Variants in ZFP91 observed in about 807,000 individuals in gnomAD.
The protein encoded by ZFP91 is E3 ubiquitin-protein ligase ZFP91.
Under a neutral mutation model 63.5 loss-of-function variants are expected in ZFP91, and 7 were observed. The ratio of observed to expected loss-of-function variants is 0.11; its 90% confidence interval spans 0.06 to 0.21. The LOEUF (loss-of-function observed/expected upper bound fraction) is 0.21. ZFP91 is among the 10% of genes least tolerant of loss of function. The pLI is 1.00. For missense variants in ZFP91, 628 were observed against 736.6 expected, an observed-to-expected ratio of 0.85 and a Z score of 1.71; for synonymous variants, 330 against 272.1, an observed-to-expected ratio of 1.21 and a Z score of -2.10.
chr11:58,585,970 G>A (rs904439356), intron 2 of ZFP91, among the ~76,000 whole-genome samples: 1 of 151,528 alleles, frequency 6.6e-6, no homozygotes, highest in African/African-American at 2.4e-5. Flanking sequence ...TAGTATAGCA[G>A]GCAGAGGTTT....
At chr11:58,585,487 G>T (rs1415218978) in intron 2 of ZFP91, among the ~76,000 whole-genome samples, 1 of 151,892 alleles carries the variant, frequency 6.6e-6, no homozygotes. Context: ...TTTCATTTTT[G>T]TTTTTTTCTA....
intron 1 of ZFP91, among the ~76,000 whole-genome samples, chr11:58,581,653 G>A (rs546926731): frequency 1.3e-4 from 20 of 152,216 alleles, no homozygotes; most frequent in African/African-American, 4.8e-4. Context: ...GAGCCACTGC[G>A]CCCAGCCTGC....
At chr11:58,582,301 A>G (rs1013792402) in intron 1 of ZFP91, among the ~76,000 whole-genome samples, 19 of 152,230 alleles carry the variant, frequency 1.2e-4, no homozygotes, top group African/African-American at 3.9e-4. Context: ...ATCCTTTAAG[A>G]TATTTCAAGA....
At chr11:58,593,048 A>G (rs778120139) in intron 2 of ZFP91, among the ~76,000 whole-genome samples, 1 of 152,234 alleles carries the variant, frequency 6.6e-6, no homozygotes, top group Non-Finnish European at 1.5e-5. Flanking sequence ...GATGGCACCA[A>G]GCCATTCATG....
At chr11:58,612,416 G>GGAAT (rs1163535739) in intron 7 of ZFP91, 88 bp downstream of exon 7, 2 of 1,353,070 alleles carry the variant, frequency 1.5e-6, no homozygotes, top group African/African-American at 2.9e-5. Context: ...TAATCCTGCA[G>GGAAT]GAATGGCTAT....
Position 58,612,123 on chromosome 11 carries a change from C to T in ZFP91, c.858-155C>T, listed in dbSNP as rs567082716. On this transcript the variant is annotated intron_variant, in intron 6 of 10. Transcript: ENST00000316059. ...AATTACTTCAGGGTAAAATTACTTG[C>T]TTGATTTGCCAGATATATCTTTGAC... The T allele has an allele frequency of 2.1e-4, 154 of 730,192 alleles. 1 individual carries two copies. The African/African-American group carries it at 2.6e-3, about 12-fold the overall frequency. The allele number at this position is 730,192 out of a possible 1,614,324, so 45.2% of individuals were successfully genotyped here.
At chr11:58,581,521 C>T (rs548711257) in intron 1 of ZFP91, among the ~76,000 whole-genome samples, 16 of 152,300 alleles carry the variant, frequency 1.1e-4, no homozygotes, top group African/African-American at 3.1e-4. Context: ...CCACCAATCC[C>T]AGCTAATTTT....
At position 58,579,570 on chromosome 11, in the gene ZFP91, C is replaced by T; in HGVS notation, c.289C>T (p.Gln97Ter). The part of the protein sequence containing the change: ...RPPDVPGQQP[Q>*]AAKSPSPVQG... ...TCCCGACGTCCCCGGGCAGCAGCCC[C>T]AGGCCGCGAAGTCCCCGTCTCCAGT... The change falls in exon 1 of 11, where the codon CAG becomes TAG. Residue 97 changes from glutamine to a stop codon, truncating the protein, a stop_gained. Transcript: ENST00000316059. LOFTEE classifies it high-confidence loss of function. 6.3e-7 allele frequency: 1 copy of T among 1,585,238 alleles called. No homozygotes were observed. The highest frequency in any genetic ancestry group is 8.6e-7 in the Non-Finnish European group (1 of 1,168,912).
rs775864650 is a variant in ZFP91, at chr11:58,609,937, T to G, written c.478T>G (p.Ser160Ala). The G allele has an allele frequency of 6.2e-7, 1 of 1,614,192 alleles. No individual in the cohort carries two copies. The highest frequency in any genetic ancestry group is 2.2e-5 in the East Asian group (1 of 44,874). ...RGWRSSRTSVSRHRDTENTRS... is the reference protein window; with the variant it reads ...RGWRSSRTSVARHRDTENTRS... ...CTGGCGTAGTAGTAGGACATCTGTT[T>G]CTCGCCATCGTGATACAGAGAACAC... Residue 160 changes from serine (S) to alanine (A), a missense_variant, in exon 3 of 11, where the codon TCT (serine) becomes GCT (alanine). By Grantham distance (99) the Ser-to-Ala change is moderately conservative. Transcript: ENST00000316059.
intron 2 of ZFP91, among the ~76,000 whole-genome samples, chr11:58,594,769 T>C (rs896647042): frequency 2.0e-5 from 3 of 152,250 alleles, no homozygotes; most frequent in African/African-American, 2.4e-5. Context: ...GTAAACTGTT[T>C]TGGAATGTAA....
At chr11:58,609,333 T>G (rs1369146446) in intron 2 of ZFP91, among the ~76,000 whole-genome samples, 1 of 152,228 alleles carries the variant, frequency 6.6e-6, no homozygotes, top group Non-Finnish European at 1.5e-5. Flanking sequence ...AGTTCAAATT[T>G]ATGGTGTGGT....
At chr11:58,579,873 C>T (rs1281242205) in intron 1 of ZFP91, among the ~76,000 whole-genome samples, 1 of 152,152 alleles carries the variant, frequency 6.6e-6, no homozygotes, top group Non-Finnish European at 1.5e-5. Flanking sequence ...TACACCCCTG[C>T]ACTCGCTAGT....
chr11:58,611,249 T>G (rs2134419755), intron 5 of ZFP91, 195 bp downstream of exon 5: 1 of 497,462 alleles, frequency 2.0e-6, no homozygotes, highest in East Asian at 3.2e-5. Flanking sequence ...TTTGTAGAAC[T>G]TTATTTTGAT....
At chr11:58,579,767 C>T (rs907831943) in intron 1 of ZFP91, 145 bp downstream of exon 1, 3 of 777,254 alleles carry the variant, frequency 3.9e-6, no homozygotes, top group African/African-American at 1.9e-5. Context: ...ACCGTTTCCC[C>T]GGGAGCCTTC....
chr11:58,606,042 T>C (rs1233719812), intron 2 of ZFP91, among the ~76,000 whole-genome samples: 1 of 152,132 alleles, frequency 6.6e-6, no homozygotes, highest in Non-Finnish European at 1.5e-5. Flanking sequence ...ACTTCTCAGC[T>C]CTAGAATTTT....
At chr11:58,584,617 T>A (rs1236573385) in intron 1 of ZFP91, among the ~76,000 whole-genome samples, 3 of 152,144 alleles carry the variant, frequency 2.0e-5, no homozygotes, top group African/African-American at 7.2e-5. Flanking sequence ...TAAATTTACA[T>A]TAATCAAAAT....
In ZFP91 at chr11:58,579,493, G is replaced by C. The variant is rs754526945; in HGVS notation, c.212G>C (p.Arg71Pro). ...AAAAAAAVSR[R>P]RKAEYPRRRR... ...GCCGCCGCCGCAGCTGTGTCCCGCCGGAGGAAGGCCGAGTATCCCCGCCGG... is the reference window on the plus strand; with the variant it reads ...GCCGCCGCCGCAGCTGTGTCCCGCCCGAGGAAGGCCGAGTATCCCCGCCGG... The change falls in exon 1 of 11, where the codon CGG (arginine) becomes CCG (proline). Residue 71 changes from arginine (R) to proline (P), a missense_variant. Arg to Pro is a moderately radical substitution (Grantham distance 103). Coordinates refer to ENST00000316059, the MANE Select transcript of ZFP91 (RefSeq NM_053023.5). 6.6e-7 allele frequency: 1 copy of C among 1,522,222 alleles called. No individual in the cohort carries two copies. Among genetic ancestry groups the C allele is most frequent in the Non-Finnish European group, 8.8e-7 (1 of 1,140,226 alleles). 94.3% of individuals were successfully genotyped at this position (1,522,222 alleles called of 1,614,324 possible).
chr11:58,617,149 C>G lies in ZFP91; in HGVS notation c.1203-47C>G, dbSNP rs745769222. ...AACCCTGATCCTGAATAAGAGCACT[C>G]TTTATTTCTCTGTTGGATCAGCCAT... On this transcript the variant is annotated intron_variant, in intron 10 of 10. Coordinates refer to ENST00000316059, the MANE Select transcript of ZFP91 (RefSeq NM_053023.5). The surrounding 1 kb of genome is among the most constrained non-coding windows in gnomAD (Gnocchi z 4.2). 6.6e-7 allele frequency: 1 copy of G among 1,521,660 alleles called. No individual in the cohort carries two copies. The highest frequency in any genetic ancestry group is 2.3e-5 in the East Asian group (1 of 44,286). 94.3% of individuals were successfully genotyped at this position (1,521,660 alleles called of 1,614,324 possible).
At chr11:58,616,039 A>C (rs777193464) in intron 9 of ZFP91, among the ~76,000 whole-genome samples, 9 of 152,242 alleles carry the variant, frequency 5.9e-5, no homozygotes, top group Non-Finnish European at 1.2e-4. Context: ...GTGTTACCAC[A>C]TTCATCAGAA....
Sources: allele counts gnomAD v4.1 joint callset (sites outside exome capture counted in the v4.1 genomes callset), GRCh38; gene constraint gnomAD v4.1.1; non-coding constraint Gnocchi (gnomAD v3.1); transcripts MANE v1.5; gene names NCBI Gene and HGNC (gene_info 2026-07-23, HGNC 2026-07-21).